Variants in IQCF3 observed in about 807,000 individuals in gnomAD.
IQCF3 encodes IQ motif containing F3, also known as IQ domain-containing protein F3.
Under a neutral mutation model 5.1 loss-of-function variants are expected in IQCF3, and 7 were observed. That is an observed-to-expected ratio of 1.36 (90% CI 0.78 to 2.56). The LOEUF is 2.56. Among genes scored for constraint, IQCF3 ranks in the 30% most tolerant of loss-of-function variants. The pLI, the probability that IQCF3 is intolerant of heterozygous loss-of-function variation, is 0.00. For missense variants in IQCF3, 189 were observed against 196.5 expected (o/e 0.96, Z 0.23); for synonymous variants, 82 against 72.8 (o/e 1.13, Z -0.64).
At chr3:51,829,841 T>C (rs766657416) in intron 2 of IQCF3, 129 bp downstream of exon 2, 3 of 897,142 alleles carry the variant, frequency 3.3e-6, no homozygotes, top group Non-Finnish European at 5.3e-6. Flanking sequence ...CTCTCCTTGG[T>C]GAACTGAGTA....
At chr3:51,828,180 G>A (rs147923149), upstream of IQCF3, 1 of 151,646 alleles carries the variant, frequency 6.6e-6, no homozygotes, top group Non-Finnish European at 1.5e-5. Flanking sequence ...TTGATGTTCT[G>A]AAGCTACAAG....
At chr3:51,827,704 T>C (rs954589877), upstream of IQCF3, among the ~76,000 whole-genome samples, 3 of 152,144 alleles carry the variant, frequency 2.0e-5, no homozygotes, top group Non-Finnish European at 4.4e-5. Context: ...TGTGTAGGTT[T>C]GTTATATAGA....
At chr3:51,829,999 G>T (rs574844816) in intron 2 of IQCF3, 4 of 500,492 alleles carry the variant, frequency 8.0e-6, no homozygotes, top group Non-Finnish European at 1.4e-5. Context: ...GAGATGAGGG[G>T]AGACCCCAAA....
At chr3:51,829,997 G>T in intron 2 of IQCF3, 1 of 501,144 alleles carries the variant, frequency 2.0e-6, no homozygotes, top group Non-Finnish European at 3.6e-6. Flanking sequence ...GTGAGATGAG[G>T]GGAGACCCCA....
chr3:51,827,621 T>C (rs1274710186), upstream of IQCF3, among the ~76,000 whole-genome samples: 1 of 152,100 alleles, frequency 6.6e-6, no homozygotes, highest in Admixed American at 6.5e-5. Flanking sequence ...ACAAGGTACA[T>C]GAAGTTCTTT....
Position 51,830,715 on chromosome 3 carries a change from G to A in IQCF3, c.379G>A (p.Ala127Thr). ...GTTCCAGGTCCCAGAGAGCAGCCTT[G>A]CCTTCCAGACTGATGGCTTTTTACA... ...CLFQVPESSL[A>T]FQTDGFLQVQ... Residue 127 changes from alanine to threonine, a missense_variant, in exon 3 of 3, where the codon GCC (alanine) becomes ACC (threonine). By Grantham distance (58) the Ala-to-Thr change is moderately conservative. Coordinates refer to ENST00000440739, the MANE Select transcript of IQCF3 (RefSeq NM_001393887.1). The surrounding 1 kb of genome is among the most constrained non-coding windows in gnomAD (Gnocchi z 4.1). 1.2e-6 allele frequency: 2 copies of A among 1,613,844 alleles called. No homozygotes were observed. The highest frequency in any genetic ancestry group is 1.7e-6 in the Non-Finnish European group (2 of 1,179,812).
At position 51,830,348 on chromosome 3, in the gene IQCF3, C is replaced by T. The variant is rs1698348467; in HGVS notation, c.67-55C>T. 10 of 1,510,874 alleles carry T rather than the reference C, an allele frequency of 6.6e-6. No homozygotes were observed. The highest frequency in any genetic ancestry group is 8.0e-6 in the Non-Finnish European group (9 of 1,131,050). 93.6% of individuals were successfully genotyped at this position (1,510,874 alleles called of 1,614,324 possible). A position where few individuals can be genotyped will look rare whatever the true frequency, so the allele number is the denominator to read the frequency against. ...GGAGAGGGCTGATTCTTTAGAGAACCACCTGTGCTTGATGGTGATAAATTC... is the reference window on the plus strand; with the variant it reads ...GGAGAGGGCTGATTCTTTAGAGAACTACCTGTGCTTGATGGTGATAAATTC... On this transcript the variant is annotated intron_variant, in intron 2 of 2. Coordinates refer to ENST00000440739, the MANE Select transcript of IQCF3 (RefSeq NM_001393887.1). This position sits in a 1 kb window ranked among gnomAD's most constrained non-coding sequence, Gnocchi z 4.1.
chr3:51,828,630 GT>G (rs1698321685), upstream of IQCF3: 1 of 152,154 alleles, frequency 6.6e-6, no homozygotes, highest in Admixed American at 6.5e-5. Context: ...TTGACCTAAA[GT>G]TTTGTTGTTG....
rs1330272736 is a variant in IQCF3 at position 51,829,702 on chromosome 3, G to C, written c.56G>C (p.Arg19Thr). The C allele has an allele frequency of 1.9e-6, 3 of 1,613,686 alleles. No individual in the cohort carries two copies. In the African/African-American group the frequency reaches 4.0e-5, roughly 22 times the overall value. The part of the protein sequence containing the change: ...GPDEDAVERQ[R>T]RQKLLLAQLH... Reference sequence around the variant, plus strand: ...GATGAAGATGCAGTAGAAAGACAGAGGCGGCAGAAGGTAGGTGGGGCCCAG... The same window carrying C: ...GATGAAGATGCAGTAGAAAGACAGACGCGGCAGAAGGTAGGTGGGGCCCAG... The change falls in exon 2 of 3, where the codon AGG becomes ACG. Residue 19 changes from arginine (R) to threonine (T), a missense_variant. Transcript: ENST00000440739.
At position 51,830,681 on chromosome 3, in the gene IQCF3, T is replaced by C. The variant is rs746887256; in HGVS notation, c.345T>C (p.Ala115=). Residue 115 remains alanine, a synonymous_variant, in exon 3 of 3, where the codon GCT becomes GCC. Transcript: ENST00000440739. This position sits in a 1 kb window ranked among gnomAD's most constrained non-coding sequence, Gnocchi z 4.1. Reference sequence around the variant, plus strand: ...AATGTTACCGCCAAATGTGCAATGCTCTCTGCTTGTTCCAGGTCCCAGAGA... The same window carrying C: ...AATGTTACCGCCAAATGTGCAATGCCCTCTGCTTGTTCCAGGTCCCAGAGA... ...CRQCYRQMCN[A]LCLFQVPESS... The C allele has an allele frequency of 6.2e-7, 1 of 1,613,970 alleles. No homozygotes were observed. Among genetic ancestry groups the C allele is most frequent in the Admixed American group, 1.7e-5 (1 of 60,022 alleles).
upstream of IQCF3, chr3:51,828,822 A>G (rs1405686074): frequency 6.6e-6 from 1 of 152,142 alleles, no homozygotes; most frequent in Non-Finnish European, 1.5e-5. Flanking sequence ...GCTATTTACT[A>G]CTAATTCAAT....
At chr3:51,829,008 C>T (rs1698327152), upstream of IQCF3, among the ~76,000 whole-genome samples, 1 of 152,036 alleles carries the variant, frequency 6.6e-6, no homozygotes, top group African/African-American at 2.4e-5. Flanking sequence ...TTTGTCATTT[C>T]TAATTGTAAA....
In IQCF3 at chr3:51,830,530, G is replaced by C. The variant is rs772058078; in HGVS notation, c.194G>C (p.Cys65Ser). The C allele has an allele frequency of 1.6e-5, 26 of 1,613,922 alleles. No individual in the cohort carries two copies. In the East Asian group the frequency reaches 5.8e-4, roughly 36 times the overall value. Residue 65 changes from cysteine to serine, a missense_variant, in exon 3 of 3, where the codon TGC becomes TCC. Transcript: ENST00000440739. The surrounding 1 kb of genome is among the most constrained non-coding windows in gnomAD (Gnocchi z 4.1). ...VAALRAWMIQ[C>S]WWRTLVQRRI... Reference sequence around the variant, plus strand: ...GCCCTCAGGGCCTGGATGATTCAGTGCTGGTGGAGGACGTTGGTGCAGAGA... The same window carrying C: ...GCCCTCAGGGCCTGGATGATTCAGTCCTGGTGGAGGACGTTGGTGCAGAGA...
At chr3:51,829,872 A>C in intron 2 of IQCF3, 160 bp downstream of exon 2, 1 of 709,808 alleles carries the variant, frequency 1.4e-6, no homozygotes, top group Non-Finnish European at 2.4e-6. Flanking sequence ...ATAGACAGTA[A>C]AAGGGGAGGA....
rs781398221 is a variant in IQCF3, at chr3:51,829,705, G to T, written c.59G>T (p.Arg20Leu). 8 of 1,613,740 alleles carry T rather than the reference G, an allele frequency of 5.0e-6. No individual in the cohort carries two copies. The highest frequency in any genetic ancestry group is 5.9e-6 in the Non-Finnish European group (7 of 1,179,814). The change falls in exon 2 of 3, where the codon CGG becomes CTG. Residue 20 changes from arginine (R) to leucine (L), a missense_variant. Physicochemically the swap from Arg to Leu is moderately radical, Grantham distance 102 (BLOSUM62 -2). Coordinates refer to ENST00000440739, the MANE Select transcript of IQCF3 (RefSeq NM_001393887.1). ...GAAGATGCAGTAGAAAGACAGAGGC[G>T]GCAGAAGGTAGGTGGGGCCCAGGAG... ...PDEDAVERQR[R>L]QKLLLAQLHH...
chr3:51,830,741 G>A lies in IQCF3; in HGVS notation c.405G>A (p.Gln135=), dbSNP rs1698359465. Reference sequence around the variant, plus strand: ...CCTTCCAGACTGATGGCTTTTTACAGGTCCAATATGCAATCCCTTCAAAGC... The same window carrying A: ...CCTTCCAGACTGATGGCTTTTTACAAGTCCAATATGCAATCCCTTCAAAGC... ...SLAFQTDGFL[Q]VQYAIPSKQP... The change falls in exon 3 of 3, where the codon CAG becomes CAA. Residue 135 remains glutamine (Q), a synonymous_variant. Coordinates refer to ENST00000440739, the MANE Select transcript of IQCF3 (RefSeq NM_001393887.1). This position sits in a 1 kb window ranked among gnomAD's most constrained non-coding sequence, Gnocchi z 4.1. The A allele has an allele frequency of 6.2e-7, 1 of 1,611,608 alleles. No individual in the cohort carries two copies. Among genetic ancestry groups the A allele is most frequent in the Non-Finnish European group, 8.5e-7 (1 of 1,178,500 alleles).
chr3:51,829,378 G>A, upstream of IQCF3: 1 of 1,405,840 alleles, frequency 7.1e-7, no homozygotes, highest in African/African-American at 1.4e-5. Context: ...TTGCCTTTGT[G>A]ACATCACGGC....
chr3:51,827,378 T>C (rs952631835), upstream of IQCF3: 5 of 152,138 alleles, frequency 3.3e-5, no homozygotes, highest in African/African-American at 9.7e-5. Flanking sequence ...TAATTTTCAA[T>C]ATAGCATGTT....
At position 51,829,673 on chromosome 3, in the gene IQCF3, T is replaced by G; in HGVS notation, c.27T>G (p.Gly9=). The change falls in exon 2 of 3, where the codon GGT becomes GGG. Residue 9 remains glycine, a synonymous_variant. Coordinates refer to ENST00000440739, the MANE Select transcript of IQCF3 (RefSeq NM_001393887.1). MGSKCCKG[G]PDEDAVERQR... is the part of the protein sequence containing the mutation. ...CCATATTCCGATTGCAGAAAGGTGG[T>G]CCAGATGAAGATGCAGTAGAAAGAC... The G allele has an allele frequency of 6.2e-7, 1 of 1,613,702 alleles. No individual in the cohort carries two copies. Among genetic ancestry groups the G allele is most frequent in the Non-Finnish European group, 8.5e-7 (1 of 1,179,844 alleles).
Sources: allele counts gnomAD v4.1 joint callset (sites outside exome capture counted in the v4.1 genomes callset), GRCh38; gene constraint gnomAD v4.1.1; non-coding constraint Gnocchi (gnomAD v3.1); transcripts MANE v1.5; gene names NCBI Gene and HGNC (gene_info 2026-07-23, HGNC 2026-07-21).